EMSY: variants seen among roughly 807,000 people sequenced by gnomAD.
EMSY encodes the protein EMSY transcriptional repressor, BRCA2 interacting, also known as BRCA2-interacting transcriptional repressor EMSY.
A neutral mutation model predicts 134.6 loss-of-function variants in EMSY; 26 were observed. That is an observed-to-expected ratio of 0.19 (90% CI 0.14 to 0.27). EMSY has a LOEUF of 0.27. Ranked by LOEUF, EMSY falls within the 10% of genes least tolerant of loss-of-function variation. EMSY has a pLI of 1.00. For synonymous variants in EMSY, 579 were observed against 577.8 expected, an observed-to-expected ratio of 1.00 and a Z score of -0.03; for missense variants, 1,305 against 1,611.4, an observed-to-expected ratio of 0.81 and a Z score of 3.26.
intron 20 of EMSY, among the ~76,000 whole-genome samples, chr11:76,546,623 T>C (rs1009936218): frequency 3.3e-5 from 5 of 152,176 alleles, no homozygotes; most frequent in Admixed American, 2.6e-4. Flanking sequence ...ACCCAGAAGA[T>C]AGGAAGTTTC....
chr11:76,454,269 C>A (rs191476600), intron 4 of EMSY, among the ~76,000 whole-genome samples: 15 of 152,268 alleles, frequency 9.9e-5, no homozygotes, highest in Admixed American at 9.8e-4. Context: ...TTGTGCTTCA[C>A]TGTCCCTCAT....
At chr11:76,546,198 A>G (rs777948642) in exon 20 of EMSY, 28 of 1,614,172 alleles carry the variant, frequency 1.7e-5, no homozygotes, top group Non-Finnish European at 2.2e-5. Flanking sequence ...CGACAAGGAA[A>G]ATTGATCCAC....
intron 11 of EMSY, among the ~76,000 whole-genome samples, chr11:76,521,871 G>A (rs2136253495): frequency 6.6e-6 from 1 of 151,504 alleles, no homozygotes; most frequent in East Asian, 1.9e-4. Context: ...TTTGAGACCA[G>A]CCAGCAGCCA....
chr11:76,446,198 G>C (rs1186609359), intron 1 of EMSY, among the ~76,000 whole-genome samples: 1 of 151,740 alleles, frequency 6.6e-6, no homozygotes, highest in Non-Finnish European at 1.5e-5. Flanking sequence ...TTTTACACTA[G>C]GAAATTCCCA....
At chr11:76,539,606 T>G (rs553650782) in exon 17 of EMSY, 18 of 1,613,892 alleles carry the variant, frequency 1.1e-5, no homozygotes, top group Non-Finnish European at 1.4e-5. Flanking sequence ...CAGAACGCAC[T>G]GATGAGGGGA....
intron 8 of EMSY, among the ~76,000 whole-genome samples, chr11:76,474,192 G>A (rs766450772): frequency 1.3e-5 from 2 of 151,196 alleles, no homozygotes; most frequent in African/African-American, 2.4e-5. Flanking sequence ...TAATACCTTT[G>A]TGTTCCTCCC....
At position 76,494,364 on chromosome 11, in the gene EMSY, C is replaced by T. The variant is rs1426452378; in HGVS notation, c.1109-1851C>T. Among the ~76,000 whole-genome samples, 5 of 152,328 alleles carry T rather than the reference C, an allele frequency of 3.3e-5. No homozygotes were observed. In the South Asian group the frequency reaches 8.3e-4, roughly 25 times the overall value. ...GGGAGTTACCCATGTACATGATTAT[C>T]TTCATTTAATATAAGACCATACATT... On this transcript the variant is annotated intron_variant, in intron 8 of 20. Transcript: ENST00000334736.
At position 76,458,373 on chromosome 11, in the gene EMSY, A is replaced by G. The variant is rs753715019; in HGVS notation, c.421+15A>G. 73 of 1,588,652 alleles carry G rather than the reference A, an allele frequency of 4.6e-5. No individual in the cohort carries two copies. Among genetic ancestry groups the G allele is most frequent in the Non-Finnish European group, 5.7e-5 (66 of 1,167,670 alleles). Reference sequence around the variant, plus strand: ...AAGCAAGGAAGGTGAGTAGAAAAATATGCCTGTGTTAGAGATTACTTTTCT... The same window carrying G: ...AAGCAAGGAAGGTGAGTAGAAAAATGTGCCTGTGTTAGAGATTACTTTTCT... On this transcript the variant is annotated intron_variant, in intron 5 of 20. Coordinates refer to ENST00000334736, the Ensembl canonical transcript of EMSY.
intron 8 of EMSY, among the ~76,000 whole-genome samples, chr11:76,479,559 T>C (rs763434140): frequency 7.2e-5 from 11 of 152,212 alleles, no homozygotes; most frequent in Non-Finnish European, 1.5e-4. Flanking sequence ...TGTAAAGATG[T>C]TGAAAATGTC....
intron 11 of EMSY, chr11:76,516,947 G>A (rs1950470322): frequency 6.6e-6 from 1 of 152,070 alleles, no homozygotes; most frequent in African/African-American, 2.4e-5. Context: ...ACCATACCTG[G>A]TTTTTATTGG....
At chr11:76,530,394 C>A (rs1201649689) in intron 14 of EMSY, among the ~76,000 whole-genome samples, 3 of 152,056 alleles carry the variant, frequency 2.0e-5, no homozygotes, top group Non-Finnish European at 2.9e-5. Flanking sequence ...CTCCTGACTT[C>A]AAGTAATCCA....
chr11:76,544,730 G>T (rs775146599), exon 19 of EMSY: 4 of 1,614,112 alleles, frequency 2.5e-6, no homozygotes, highest in Non-Finnish European at 3.4e-6. Context: ...ACTGCAGCAG[G>T]CTCCGAACCA....
chr11:76,499,826 T>C (rs959627555), intron 9 of EMSY, among the ~76,000 whole-genome samples: 3 of 152,012 alleles, frequency 2.0e-5, no homozygotes, highest in Admixed American at 2.0e-4. Flanking sequence ...AGTATACATG[T>C]GTTGGCCATG....
intron 7 of EMSY, among the ~76,000 whole-genome samples, chr11:76,464,454 AGGT>A (rs1159277081): frequency 6.6e-6 from 1 of 152,246 alleles, no homozygotes; most frequent in Non-Finnish European, 1.5e-5. Flanking sequence ...TAAAGTTGTC[AGGT>A]GTTTCATAGA....
intron 12 of EMSY, among the ~76,000 whole-genome samples, chr11:76,524,053 C>CA (rs1565345969): frequency 6.6e-6 from 1 of 151,846 alleles, no homozygotes; most frequent in Admixed American, 6.6e-5. Context: ...TTGCCTCAAA[C>CA]AAAAAATAAA....
intron 10 of EMSY, among the ~76,000 whole-genome samples, chr11:76,513,889 G>A (rs1239839846): frequency 6.6e-6 from 1 of 152,114 alleles, no homozygotes; most frequent in African/African-American, 2.4e-5. Flanking sequence ...GTAAGTAGGT[G>A]CTCAGTCAGG....
At chr11:76,522,352 C>CTTTT (rs71040003) in intron 11 of EMSY, among the ~76,000 whole-genome samples, 593 of 44,280 alleles carry the variant, frequency 0.013, 80 homozygotes, top group East Asian at 0.016. Context: ...GTTTACTTTG[C>CTTTT]TTTTTTTTTT....
intron 9 of EMSY, among the ~76,000 whole-genome samples, chr11:76,499,634 G>T (rs1305526307): frequency 6.6e-6 from 1 of 151,998 alleles, no homozygotes; most frequent in East Asian, 1.9e-4. Context: ...TACATTTAAG[G>T]TAATTGTTGA....
In EMSY at chr11:76,508,662, T is replaced by C. The variant is rs118008415; in HGVS notation, c.1364-4724T>C. ...TCTTCCAATAAAAGTCTATTTTGTCTACATTGAAAATCTGGTGTTTAGTGT... is the reference window on the plus strand; with the variant it reads ...TCTTCCAATAAAAGTCTATTTTGTCCACATTGAAAATCTGGTGTTTAGTGT... On this transcript the variant is annotated intron_variant, in intron 9 of 20. Transcript: ENST00000334736. 2.0e-5 allele frequency among the ~76,000 whole-genome samples: 3 copies of C among 152,360 alleles called. No individual in the cohort carries two copies. In the East Asian group the frequency reaches 5.8e-4, roughly 29 times the overall value.
Sources: allele counts gnomAD v4.1 joint callset (sites outside exome capture counted in the v4.1 genomes callset), GRCh38; gene constraint gnomAD v4.1.1; transcripts MANE v1.5; gene names NCBI Gene and HGNC (gene_info 2026-07-23, HGNC 2026-07-21).